ANK2: variants seen among roughly 807,000 people sequenced by gnomAD.
ANK2 encodes the protein ankyrin-2.
A neutral mutation model predicts 360.5 loss-of-function variants in ANK2; 83 were observed. The observed-to-expected ratio is 0.23, with a 90% CI of 0.19 to 0.28. The LOEUF (loss-of-function observed/expected upper bound fraction) is 0.28. Among genes scored for constraint, ANK2 ranks in the 10% least tolerant of loss-of-function variants. The pLI is 1.00. For missense variants in ANK2, 4,201 were observed against 4,795.7 expected (o/e 0.88, Z 3.66); for synonymous variants, 1,740 against 1,759.5 (o/e 0.99, Z 0.28).
the ANK2 span, chr4:112,738,894 CAAAA>C: frequency 1.5e-6 from 1 of 680,248 alleles, no homozygotes; most frequent in South Asian, 1.4e-5. Flanking sequence ...AACAAAAAAA[CAAAA>C]AACAAAGCAC....
intron 7 of ANK2, among the ~76,000 whole-genome samples, chr4:113,238,126 T>A (rs952790629): frequency 6.6e-6 from 1 of 152,198 alleles, no homozygotes; most frequent in African/African-American, 2.4e-5. Flanking sequence ...TTGCTTTTTC[T>A]TGTAAGTCTT....
At chr4:112,772,802 G>C in the ANK2 span, among the ~76,000 whole-genome samples, 4 of 152,222 alleles carry the variant, frequency 2.6e-5, no homozygotes, top group South Asian at 8.3e-4. Flanking sequence ...TGTTGGTGCA[G>C]TTGCTTTCTT....
chr4:113,323,635 G>T (rs1251939183), intron 26 of ANK2: 4 of 894,912 alleles, frequency 4.5e-6, no homozygotes, highest in Non-Finnish European at 6.4e-6. Flanking sequence ...TATCTCATTT[G>T]GATTTCCATT....
chr4:112,903,161 C>T (rs2084009489), intron 1 of ANK2, among the ~76,000 whole-genome samples: 3 of 152,186 alleles, frequency 2.0e-5, no homozygotes, highest in South Asian at 2.1e-4. Flanking sequence ...GGCCCCACTT[C>T]CAGTTTCTCA....
intron 1 of ANK2, among the ~76,000 whole-genome samples, chr4:113,064,541 C>T (rs1237508357): frequency 6.6e-6 from 1 of 152,142 alleles, no homozygotes. Context: ...ACCTGCCAGC[C>T]CTGCTTATCC....
chr4:112,810,125 GTATATATATATATA>G, the ANK2 span, among the ~76,000 whole-genome samples: 140 of 68,006 alleles, frequency 2.1e-3, 6 homozygotes, highest in African/African-American at 3.6e-3. Flanking sequence ...AATTTTTTGT[GTATATATATATATA>G]TATATATATA....
chr4:113,376,037 T>G (rs1157646819), intron 45 of ANK2, among the ~76,000 whole-genome samples: 2 of 152,228 alleles, frequency 1.3e-5, no homozygotes. Flanking sequence ...TTAAAATTTT[T>G]GCATGAGTGA....
At chr4:112,770,857 C>T in the ANK2 span, among the ~76,000 whole-genome samples, 1 of 152,200 alleles carries the variant, frequency 6.6e-6, no homozygotes, top group East Asian at 1.9e-4. Context: ...TAGTGATACA[C>T]TGATGCTGAT....
chr4:113,341,554 C>A, intron 32 of ANK2, 134 bp from the exon 33 acceptor site: 1 of 864,592 alleles, frequency 1.2e-6, no homozygotes, highest in Non-Finnish European at 1.8e-6. Flanking sequence ...GGCCTTCTCT[C>A]ATTATCTCCC....
At chr4:113,065,786 C>T (rs1396072294) in intron 1 of ANK2, among the ~76,000 whole-genome samples, 3 of 152,204 alleles carry the variant, frequency 2.0e-5, no homozygotes, top group Non-Finnish European at 4.4e-5. Flanking sequence ...AAGTGGGGTA[C>T]TGAGCTTCTA....
At chr4:112,991,420 C>T (rs1363588575) in intron 2 of ANK2, among the ~76,000 whole-genome samples, 1 of 151,948 alleles carries the variant, frequency 6.6e-6, no homozygotes, top group Non-Finnish European at 1.5e-5. Context: ...GATAGGGTGG[C>T]TTAAAACCCA....
intron 10 of ANK2, 81 bp from the exon 11 acceptor site, chr4:113,255,654 A>T: frequency 6.9e-7 from 1 of 1,450,056 alleles, no homozygotes; most frequent in South Asian, 1.2e-5. Context: ...TTAGAGATCA[A>T]GAATCAACTT....
chr4:112,878,977 T>C (rs59598741), intron 1 of ANK2, among the ~76,000 whole-genome samples: 8,722 of 152,166 alleles, frequency 0.057, 256 homozygotes, highest in Middle Eastern at 0.078. Context: ...GAAGGACTCA[T>C]TGAGGGAGGA....
rs745848399 is a variant in ANK2, at chr4:113,363,399, C to T, written c.10818C>T (p.Pro3606=). 1 of 1,613,490 alleles carries T rather than the reference C, an allele frequency of 6.2e-7. No homozygotes were observed. Among genetic ancestry groups the T allele is most frequent in the South Asian group, 1.1e-5 (1 of 91,066 alleles). Residue 3606 remains proline, a synonymous_variant, in exon 40 of 46, where the codon CCC becomes CCT. Transcript: ENST00000357077. ...TTCATCAAATTCGAATTGAAAATCCCAACTCTCTTCAAGACCAGAGTCATG... is the reference window on the plus strand; with the variant it reads ...TTCATCAAATTCGAATTGAAAATCCTAACTCTCTTCAAGACCAGAGTCATG... ...EQIHQIRIEN[P]NSLQDQSHAL...
intron 3 of ANK2, among the ~76,000 whole-genome samples, chr4:113,197,452 A>C (rs1005796347): frequency 7.2e-5 from 11 of 152,228 alleles, no homozygotes; most frequent in Non-Finnish European, 1.6e-4. Flanking sequence ...ATTTGGAAAA[A>C]TACAGTGCTA....
chr4:112,842,275 G>A (rs1053395780), intron 1 of ANK2, among the ~76,000 whole-genome samples: 4 of 152,208 alleles, frequency 2.6e-5, no homozygotes, highest in African/African-American at 9.6e-5. Context: ...CTCCCAAAGT[G>A]CTGGGATTAC....
chr4:113,225,700 A>G (rs569137837), intron 4 of ANK2, among the ~76,000 whole-genome samples: 1 of 152,310 alleles, frequency 6.6e-6, no homozygotes, highest in South Asian at 2.1e-4. Flanking sequence ...ACTTATAAAT[A>G]TCAATAAATT....
intron 2 of ANK2, among the ~76,000 whole-genome samples, chr4:113,021,541 C>CACACACATATATATATATAT (rs1489947974): frequency 1.0e-5 from 1 of 95,570 alleles, no homozygotes; most frequent in African/African-American, 3.8e-5. Flanking sequence ...CACACACAAA[C>CACACACATATATATATATAT]ATATATATAT....
chr4:113,072,238 TC>T (rs1379694060), intron 1 of ANK2, among the ~76,000 whole-genome samples: 1 of 152,198 alleles, frequency 6.6e-6, no homozygotes, highest in African/African-American at 2.4e-5. Context: ...CATGATAACT[TC>T]AGGGTTACCT....
Sources: gnomAD v4.1 joint callset for allele counts (sites outside exome capture counted in the v4.1 genomes callset) on GRCh38, gnomAD v4.1.1 for gene constraint, MANE v1.5 for transcripts, NCBI Gene and HGNC (gene_info 2026-07-23, HGNC 2026-07-21) for gene names.